FRMD5: variants seen among roughly 807,000 people sequenced by gnomAD.
FRMD5 encodes FERM domain containing 5.
FRMD5 carries 20 observed loss-of-function variants against 69.0 expected under a neutral mutation model. The ratio of observed to expected loss-of-function variants is 0.29; its 90% CI spans 0.20 to 0.42. The LOEUF (loss-of-function observed/expected upper bound fraction) is 0.42, where lower values mean the gene tolerates loss of function less well. Ranked by LOEUF, FRMD5 falls within the 10% of genes least tolerant of loss-of-function variation. The probability of loss-of-function intolerance (pLI) is 1.00; values close to 1 mark genes in which losing one functional copy is unlikely to be tolerated. For missense variants in FRMD5, 595 were observed against 708.6 expected (o/e 0.84, Z 1.82); for synonymous variants, 271 against 260.1 (o/e 1.04, Z -0.40).
intron 7 of FRMD5, among the ~76,000 whole-genome samples, chr15:43,899,477 C>T (rs993809719): frequency 3.9e-5 from 6 of 152,288 alleles, no homozygotes; most frequent in Non-Finnish European, 7.4e-5. Flanking sequence ...TCTTGCTCTA[C>T]CGCTGAGGGC....
intron 1 of FRMD5, among the ~76,000 whole-genome samples, chr15:44,166,221 A>T (rs1010237850): frequency 1.3e-5 from 2 of 152,180 alleles, no homozygotes; most frequent in African/African-American, 4.8e-5. Flanking sequence ...GTAATTCCTC[A>T]TTGTATTAAT....
chr15:44,188,823 T>G (rs1368381645), intron 1 of FRMD5, among the ~76,000 whole-genome samples: 2 of 152,172 alleles, frequency 1.3e-5, no homozygotes, highest in Non-Finnish European at 2.9e-5. Flanking sequence ...GTCTGAGGCT[T>G]TGAACTGATC....
intron 1 of FRMD5, chr15:43,989,204 T>C: frequency 4.8e-6 from 4 of 827,432 alleles, no homozygotes; most frequent in South Asian, 2.6e-5. Flanking sequence ...GGAGCAGTGA[T>C]CTTGATCTTC....
intron 1 of FRMD5, among the ~76,000 whole-genome samples, chr15:43,991,461 G>A (rs1261663031): frequency 6.6e-6 from 1 of 152,204 alleles, no homozygotes; most frequent in Non-Finnish European, 1.5e-5. Context: ...TGCTACTGCT[G>A]CTGCTGCATT....
intron 7 of FRMD5, among the ~76,000 whole-genome samples, chr15:43,897,742 T>C (rs1376069691): frequency 6.6e-6 from 1 of 152,116 alleles, no homozygotes; most frequent in African/African-American, 2.4e-5. Context: ...AGGATGATGA[T>C]ATGGTTTGGC....
At chr15:43,906,418 G>C (rs55927923) in intron 5 of FRMD5, among the ~76,000 whole-genome samples, 12,972 of 152,210 alleles carry the variant, frequency 0.085, 764 homozygotes, top group East Asian at 0.21. Context: ...ACAGTAAATT[G>C]ATGAATGAGC....
intron 1 of FRMD5, among the ~76,000 whole-genome samples, chr15:43,939,703 A>G (rs1323894342): frequency 6.6e-6 from 1 of 152,106 alleles, no homozygotes; most frequent in Admixed American, 6.5e-5. Flanking sequence ...GACTACAGGT[A>G]TGTGCCAACA....
upstream of FRMD5, among the ~76,000 whole-genome samples, chr15:44,197,115 C>T (rs1334885938): frequency 2.0e-5 from 3 of 151,300 alleles, no homozygotes; most frequent in African/African-American, 7.3e-5. Flanking sequence ...GCAGGAGAAT[C>T]GCTGGAACCC....
At chr15:43,951,984 G>A (rs533737960) in intron 1 of FRMD5, among the ~76,000 whole-genome samples, 1 of 106,066 alleles carries the variant, frequency 9.4e-6, no homozygotes, top group Non-Finnish European at 1.7e-5. Flanking sequence ...TGTGTGTTGT[G>A]TGTGTGTGTG....
At chr15:44,061,711 G>A (rs1893094809) in intron 1 of FRMD5, among the ~76,000 whole-genome samples, 1 of 152,280 alleles carries the variant, frequency 6.6e-6, no homozygotes, top group Non-Finnish European at 1.5e-5. Flanking sequence ...ATAAGCTGGG[G>A]TGGGTGGTTA....
chr15:44,155,359 G>A (rs570271055), intron 1 of FRMD5, among the ~76,000 whole-genome samples: 12 of 149,826 alleles, frequency 8.0e-5, no homozygotes, highest in Admixed American at 7.3e-4. Flanking sequence ...TTGAACCCAG[G>A]AGGCAGAGGT....
intron 1 of FRMD5, among the ~76,000 whole-genome samples, chr15:44,191,782 G>A (rs547465328): frequency 1.3e-5 from 2 of 150,946 alleles, no homozygotes; most frequent in Non-Finnish European, 2.9e-5. Context: ...ACATGCCTAA[G>A]CACGTAAATG....
At chr15:44,138,028 A>G (rs1328252934) in intron 1 of FRMD5, among the ~76,000 whole-genome samples, 1 of 152,194 alleles carries the variant, frequency 6.6e-6, no homozygotes, top group Non-Finnish European at 1.5e-5. Flanking sequence ...AATGATCAGA[A>G]ATCTGAGTTA....
rs147399407 is a variant in FRMD5 at position 44,016,905 on chromosome 15, G to A, written c.103-92596C>T. On this transcript the variant is annotated intron_variant, in intron 1 of 13. Transcript: ENST00000417257. ...GTTGGAATGCAGTGATAAGCCTCCC[G>A]AGTAGCTAGGACTACAGGTGCTTGC... Among the ~76,000 whole-genome samples, 598 of 150,868 alleles carry A rather than the reference G, an allele frequency of 4.0e-3. 2 individuals are homozygous for A. The highest frequency in any genetic ancestry group is 5.6e-3 in the Non-Finnish European group (382 of 67,864).
chr15:43,962,911 T>G (rs1345414611), intron 1 of FRMD5, among the ~76,000 whole-genome samples: 1 of 152,156 alleles, frequency 6.6e-6, no homozygotes, highest in Non-Finnish European at 1.5e-5. Context: ...TAATTCAAGA[T>G]GGATTAAAGA....
chr15:43,879,662 C>A, intron 13 of FRMD5: 2 of 399,152 alleles, frequency 5.0e-6, no homozygotes, highest in Non-Finnish European at 8.8e-6. Context: ...TAATCAGACT[C>A]TTCCCCATGG....
At chr15:44,099,880 GA>G (rs1290825497) in intron 1 of FRMD5, among the ~76,000 whole-genome samples, 2 of 152,092 alleles carry the variant, frequency 1.3e-5, no homozygotes, top group East Asian at 3.9e-4. Flanking sequence ...AAGCTTGTAT[GA>G]GTTCAACCGA....
rs1236617686 is a variant in FRMD5 at position 43,885,751 on chromosome 15, C to T, written c.889G>A (p.Glu297Lys). ...ACTGTGCGGACTTGGCTTGACTTCT[C>T]CAGCCTGTAGCAAGGCAAAGTCCAG... ...GIENQAFYKL[E>K]KSSQVRTVSS... Residue 297 changes from glutamate (E) to lysine (K), a missense_variant, in exon 11 of 14, where the codon GAG (glutamate) becomes AAG (lysine). Around this residue, in one of 5 missense-constraint regions of FRMD5, gnomAD observed 176 missense variants for 266.3 expected, o/e 0.66. Coordinates refer to ENST00000417257, the MANE Select transcript of FRMD5 (RefSeq NM_032892.5). 6.2e-7 allele frequency: 1 copy of T among 1,614,112 alleles called. No individual in the cohort carries two copies. Among genetic ancestry groups the T allele is most frequent in the Non-Finnish European group, 8.5e-7 (1 of 1,179,924 alleles).
intron 1 of FRMD5, among the ~76,000 whole-genome samples, chr15:43,987,328 T>C (rs1889440535): frequency 6.6e-6 from 1 of 152,172 alleles, no homozygotes; most frequent in Non-Finnish European, 1.5e-5. Flanking sequence ...AAAAAGATCT[T>C]GATGGATATT....
Sources: allele counts gnomAD v4.1 joint callset (sites outside exome capture counted in the v4.1 genomes callset), GRCh38; gene constraint gnomAD v4.1.1; regional missense constraint gnomAD v4.1.1; transcripts MANE v1.5; gene names NCBI Gene and HGNC (gene_info 2026-07-23, HGNC 2026-07-21).